SLC1A3: variants seen among roughly 807,000 people sequenced by gnomAD.
SLC1A3 encodes solute carrier family 1 member 3.
SLC1A3 carries 21 observed loss-of-function variants against 48.1 expected under a neutral mutation model. The observed-to-expected ratio is 0.44, with a 90% CI of 0.31 to 0.63. The LOEUF is 0.63. Among genes scored for constraint, SLC1A3 ranks in the 20% least tolerant of loss-of-function variants. The pLI is 0.08. For missense variants in SLC1A3, 546 were observed against 689.0 expected, an observed-to-expected ratio of 0.79 and a Z score of 2.32; for synonymous variants, 239 against 251.4, an observed-to-expected ratio of 0.95 and a Z score of 0.47.
chr5:36,608,954 A>G, intron 2 of SLC1A3: 1 of 1,026,986 alleles, frequency 9.7e-7, no homozygotes. Context: ...ATTATATACA[A>G]TGTCAGTTGC....
In SLC1A3 at chr5:36,611,605, C is replaced by T. The variant is rs187536818; in HGVS notation, c.181+3001C>T. Among the ~76,000 whole-genome samples, 4 of 152,222 alleles carry T rather than the reference C, an allele frequency of 2.6e-5. 1 individual carries two copies. Among genetic ancestry groups the T allele is most frequent in the Admixed American group, 2.0e-4 (3 of 15,284 alleles). On this transcript the variant is annotated intron_variant, in intron 2 of 9. Transcript: ENST00000265113. The stretch of plus-strand genomic sequence containing the variant: ...ATGACAAAAGCTCATGTAACAAGAG[C>T]GGTTAGCAATCCGAGAGAACACAGT...
At position 36,674,860 on chromosome 5, in the gene SLC1A3, G is replaced by A. The variant is rs1298194685; in HGVS notation, c.567+769G>A. Among the ~76,000 whole-genome samples the A allele has an allele frequency of 2.0e-5, 3 of 152,136 alleles. No individual in the cohort carries two copies. The East Asian group carries it at 5.8e-4, about 29-fold the overall frequency. The stretch of plus-strand genomic sequence containing the variant: ...ACACCGACCTGGAGGCTATACTGAG[G>A]TCCAGCTCCTTTTAGCTCATATACA... On this transcript the variant is annotated intron_variant, in intron 5 of 9. Coordinates refer to ENST00000265113, the MANE Select transcript of SLC1A3 (RefSeq NM_004172.5).
chr5:36,619,127 A>G (rs574625909), intron 2 of SLC1A3, among the ~76,000 whole-genome samples: 17 of 152,282 alleles, frequency 1.1e-4, no homozygotes, highest in Non-Finnish European at 7.3e-5. Flanking sequence ...CCCACCTTCA[A>G]CAGGAAATAC....
At chr5:36,606,001 G>A (rs778050508), upstream of SLC1A3, among the ~76,000 whole-genome samples, 2 of 152,110 alleles carry the variant, frequency 1.3e-5, no homozygotes, top group Non-Finnish European at 2.9e-5. Flanking sequence ...TACCTTTTCC[G>A]TCTTTGCAAC....
At position 36,608,322 on chromosome 5, in the gene SLC1A3, A is replaced by G; in HGVS notation, c.-95-7A>G. The G allele has an allele frequency of 2.8e-6, 3 of 1,067,278 alleles. No individual in the cohort carries two copies. Among genetic ancestry groups the G allele is most frequent in the Non-Finnish European group, 4.2e-6 (3 of 708,716 alleles). The allele number at this position is 1,067,278 out of a possible 1,614,324, so 66.1% of individuals were successfully genotyped here. On this transcript the variant is annotated splice_polypyrimidine_tract_variant and splice_region_variant and intron_variant, in intron 1 of 9. Transcript: ENST00000265113. Reference sequence around the variant, plus strand: ...TATAACTCATGTCTCTTTTTCTCCCATTCTAGTTGTGTTTTCTAATACCAA... The same window carrying G: ...TATAACTCATGTCTCTTTTTCTCCCGTTCTAGTTGTGTTTTCTAATACCAA...
chr5:36,598,188 A>C lies in SLC1A3; in HGVS notation c.-96+1510A>C, dbSNP rs542372756. On this transcript the variant is annotated intron_variant, in intron 1 of 9. Transcript: ENST00000680318. ...GGTAGAATCTTGGTCCAACCACTTA[A>C]CCAGCTCCTGACCTTGGCAGTTGCT... 3.9e-5 allele frequency among the ~76,000 whole-genome samples: 6 copies of C among 152,310 alleles called. No individual in the cohort carries two copies. In the South Asian group the frequency reaches 1.2e-3, roughly 32 times the overall value.
chr5:36,676,017 C>T (rs554600240), intron 5 of SLC1A3, among the ~76,000 whole-genome samples: 1 of 152,248 alleles, frequency 6.6e-6, no homozygotes, highest in South Asian at 2.1e-4. Context: ...GATGAGTTTA[C>T]TTGTTTCATG....
intron 3 of SLC1A3, among the ~76,000 whole-genome samples, chr5:36,640,427 C>A (rs1318701465): frequency 6.6e-6 from 1 of 152,236 alleles, no homozygotes; most frequent in Admixed American, 6.5e-5. Flanking sequence ...CAGTGTAACA[C>A]TCTTCTCAAC....
chr5:36,666,831 G>A (rs1486944538), intron 3 of SLC1A3, among the ~76,000 whole-genome samples: 1 of 152,008 alleles, frequency 6.6e-6, no homozygotes, highest in Non-Finnish European at 1.5e-5. Context: ...TTCCCTCTCT[G>A]CCCCCTAAAA....
At chr5:36,621,394 AG>A (rs1372967447) in intron 2 of SLC1A3, among the ~76,000 whole-genome samples, 2 of 152,130 alleles carry the variant, frequency 1.3e-5, no homozygotes, top group East Asian at 3.9e-4. Context: ...AGGTGGATCT[AG>A]GGGGGCTTGC....
Position 36,677,169 on chromosome 5 carries a change from T to C in SLC1A3, c.845T>C (p.Val282Ala), listed in dbSNP as rs1742248036. ...DSLNEAIMRL[V>A]AVIMWYAPVG... is the part of the protein sequence containing the mutation. ...CTTAACGAAGCCATCATGAGACTGGTAGCAGTAATAATGTGGTATGTATTT... is the reference window on the plus strand; with the variant it reads ...CTTAACGAAGCCATCATGAGACTGGCAGCAGTAATAATGTGGTATGTATTT... Residue 282 changes from valine (V) to alanine (A), a missense_variant, in exon 6 of 10, where the codon GTA becomes GCA. By Grantham distance (64) the Val-to-Ala change is moderately conservative. Around this residue, in one of 3 missense-constraint regions of SLC1A3, gnomAD observed 348 missense variants for 392.0 expected, o/e 0.89. Coordinates refer to ENST00000265113, the MANE Select transcript of SLC1A3 (RefSeq NM_004172.5). The C allele has an allele frequency of 6.2e-7, 1 of 1,613,424 alleles. No homozygotes were observed.
intron 3 of SLC1A3, among the ~76,000 whole-genome samples, chr5:36,663,860 AT>A: frequency 6.6e-6 from 1 of 152,348 alleles, no homozygotes; most frequent in African/African-American, 2.4e-5. Context: ...AGATGGTTTC[AT>A]TCTCTTCACC....
At chr5:36,609,963 A>G (rs565441520) in intron 2 of SLC1A3, among the ~76,000 whole-genome samples, 1 of 152,334 alleles carries the variant, frequency 6.6e-6, no homozygotes, top group Non-Finnish European at 1.5e-5. Flanking sequence ...TTTATATAGT[A>G]CTATTCCAGC....
chr5:36,610,074 G>C (rs1739129807), intron 2 of SLC1A3, among the ~76,000 whole-genome samples: 1 of 152,178 alleles, frequency 6.6e-6, no homozygotes, highest in Non-Finnish European at 1.5e-5. Flanking sequence ...TCATTTTGTA[G>C]ATGAAACTGA....
intron 3 of SLC1A3, among the ~76,000 whole-genome samples, chr5:36,639,487 G>T (rs1257783132): frequency 6.6e-6 from 1 of 152,166 alleles, no homozygotes. Context: ...AATGATTAGG[G>T]TATCTCTAAT....
intron 3 of SLC1A3, among the ~76,000 whole-genome samples, chr5:36,642,645 A>C (rs1024211112): frequency 3.3e-5 from 5 of 152,160 alleles, no homozygotes; most frequent in African/African-American, 1.2e-4. Context: ...TGCATCCATC[A>C]TCACAATCAA....
intron 2 of SLC1A3, among the ~76,000 whole-genome samples, chr5:36,610,723 A>G (rs1223349992): frequency 4.6e-5 from 7 of 152,120 alleles, no homozygotes; most frequent in East Asian, 3.9e-4. Flanking sequence ...ATTTTTCTCT[A>G]GGAGTTCTGG....
At chr5:36,629,697 T>TAAA in intron 3 of SLC1A3, 110 bp downstream of exon 3, 2 of 890,902 alleles carry the variant, frequency 2.2e-6, no homozygotes, top group Admixed American at 4.1e-5. Context: ...TGCTCTGTTC[T>TAAA]AGAAAAAAAA....
intron 3 of SLC1A3, among the ~76,000 whole-genome samples, chr5:36,664,001 T>C (rs1465038443): frequency 6.6e-6 from 1 of 152,204 alleles, no homozygotes; most frequent in Non-Finnish European, 1.5e-5. Context: ...ATACCCAAGG[T>C]CACTATCCTC....
Sources: allele counts gnomAD v4.1 joint callset (sites outside exome capture counted in the v4.1 genomes callset), GRCh38; gene constraint gnomAD v4.1.1; regional missense constraint gnomAD v4.1.1; transcripts MANE v1.5; gene names NCBI Gene and HGNC (gene_info 2026-07-23, HGNC 2026-07-21).